PIAS2: variants seen among roughly 807,000 people sequenced by gnomAD.
PIAS2 encodes E3 SUMO-protein ligase PIAS2.
PIAS2 carries 19 observed loss-of-function variants against 69.7 expected under a neutral mutation model. That is an observed-to-expected ratio of 0.27 (90% CI 0.19 to 0.40). The LOEUF is 0.40. Among genes scored for constraint, PIAS2 ranks in the 10% least tolerant of loss-of-function variants. PIAS2 has a pLI of 1.00. For missense variants in PIAS2, 624 were observed against 757.0 expected, an observed-to-expected ratio of 0.82 and a Z score of 2.06; for synonymous variants, 261 against 263.2, an observed-to-expected ratio of 0.99 and a Z score of 0.08.
chr18:46,821,340 C>T (rs1483786387), intron 11 of PIAS2, among the ~76,000 whole-genome samples: 2 of 152,118 alleles, frequency 1.3e-5, no homozygotes, highest in African/African-American at 4.8e-5. Flanking sequence ...TGAGATATAA[C>T]ACTTCCATCC....
At chr18:46,851,101 T>G (rs193161875) in intron 5 of PIAS2, among the ~76,000 whole-genome samples, 1 of 152,224 alleles carries the variant, frequency 6.6e-6, no homozygotes, top group Non-Finnish European at 1.5e-5. Context: ...AGAAGAAATG[T>G]TGAGTTTATG....
In PIAS2 at chr18:46,855,347, G is replaced by T; in HGVS notation, c.724C>A (p.Pro242Thr). The change falls in exon 5 of 14, where the codon CCT becomes ACT. Residue 242 changes from proline to threonine, a missense_variant and splice_region_variant. Around this residue, in one of 3 missense-constraint regions of PIAS2, gnomAD observed 339 missense variants for 408.8 expected, o/e 0.83. Coordinates refer to ENST00000585916, the MANE Select transcript of PIAS2 (RefSeq NM_004671.5). Reference sequence around the variant, plus strand: ...CTGGTGAATAAAAAGCAACTTACAGGCAAAGGAAATAGCTTCCCATTTACT... The same window carrying T: ...CTGGTGAATAAAAAGCAACTTACAGTCAAAGGAAATAGCTTCCCATTTACT... ...IKVNGKLFPL[P>T]GYAPPPKNGI... 6.3e-7 allele frequency: 1 copy of T among 1,594,178 alleles called. No homozygotes were observed. Among genetic ancestry groups the T allele is most frequent in the Non-Finnish European group, 8.6e-7 (1 of 1,168,148 alleles).
chr18:46,906,773 T>TGGG (rs59066322), intron 1 of PIAS2, among the ~76,000 whole-genome samples: 17 of 80,856 alleles, frequency 2.1e-4, no homozygotes, highest in South Asian at 4.8e-4. Context: ...TGTGTGTGTG[T>TGGG]GGGGGGGGGG....
intron 1 of PIAS2, chr18:46,914,916 T>C (rs1400501821): frequency 1.3e-5 from 2 of 152,204 alleles, no homozygotes; most frequent in Non-Finnish European, 2.9e-5. Context: ...ACCATCATTT[T>C]GAGAATCCAA....
At chr18:46,865,322 T>C (rs2049270062) in intron 2 of PIAS2, among the ~76,000 whole-genome samples, 1 of 152,040 alleles carries the variant, frequency 6.6e-6, no homozygotes, top group African/African-American at 2.4e-5. Flanking sequence ...GGTGGATTAC[T>C]TGAGGTCAAG....
chr18:46,903,131 T>C (rs1189224801), intron 1 of PIAS2, among the ~76,000 whole-genome samples: 1 of 152,134 alleles, frequency 6.6e-6, no homozygotes, highest in Non-Finnish European at 1.5e-5. Flanking sequence ...AGGAAAATAT[T>C]TGGGATCTAA....
At chr18:46,909,914 C>CCCA (rs1328156545) in intron 1 of PIAS2, among the ~76,000 whole-genome samples, 2 of 152,142 alleles carry the variant, frequency 1.3e-5, no homozygotes, top group Non-Finnish European at 2.9e-5. Flanking sequence ...CACCTGTGAT[C>CCCA]CCAGCACTTT....
At chr18:46,879,899 A>G (rs1455024575) in intron 2 of PIAS2, among the ~76,000 whole-genome samples, 1 of 152,170 alleles carries the variant, frequency 6.6e-6, no homozygotes, top group Non-Finnish European at 1.5e-5. Context: ...AATCTTAGAA[A>G]GCAAGATGGT....
At chr18:46,895,185 A>G (rs2054653428) in intron 1 of PIAS2, among the ~76,000 whole-genome samples, 2 of 152,140 alleles carry the variant, frequency 1.3e-5, no homozygotes, top group Admixed American at 1.3e-4. Context: ...AAAACATGAG[A>G]CAGAAGCTGC....
At chr18:46,877,211 C>T (rs531259353) in intron 2 of PIAS2, among the ~76,000 whole-genome samples, 1 of 152,148 alleles carries the variant, frequency 6.6e-6, no homozygotes, top group Non-Finnish European at 1.5e-5. Context: ...TAAGCTCCTA[C>T]TTTTAGAAAA....
At position 46,848,074 on chromosome 18, in the gene PIAS2, A is replaced by G. The variant is rs915511859; in HGVS notation, c.727-1233T>C. Among the ~76,000 whole-genome samples the G allele has an allele frequency of 2.0e-5, 3 of 152,198 alleles. No homozygotes were observed. In the East Asian group the frequency reaches 5.8e-4, roughly 29 times the overall value. ...AATTAACATATTCCCTTTTGTACAG[A>G]AGAAACTTCTGAATCACTTTTCACT... On this transcript the variant is annotated intron_variant, in intron 5 of 13. Transcript: ENST00000585916.
chr18:46,916,774 C>A, intron 1 of PIAS2: 2 of 967,080 alleles, frequency 2.1e-6, no homozygotes, highest in Non-Finnish European at 2.5e-6. Context: ...ACATTAGGTT[C>A]CTCGAAGATG....
At chr18:46,822,239 G>C (rs1212452842) in intron 11 of PIAS2, among the ~76,000 whole-genome samples, 2 of 152,140 alleles carry the variant, frequency 1.3e-5, no homozygotes, top group East Asian at 1.9e-4. Context: ...GTGGAAAACA[G>C]TCATCTTGAG....
intron 2 of PIAS2, among the ~76,000 whole-genome samples, chr18:46,869,234 G>T (rs1372812284): frequency 2.0e-5 from 3 of 152,194 alleles, no homozygotes; most frequent in Admixed American, 1.3e-4. Context: ...AAAGCAAAAG[G>T]AGAGTAAAAA....
chr18:46,867,182 A>G (rs1439089916), intron 2 of PIAS2, among the ~76,000 whole-genome samples: 1 of 152,016 alleles, frequency 6.6e-6, no homozygotes. Context: ...TTTTTCTGAC[A>G]TATCTTTGAC....
rs974631091 is a variant in PIAS2, at chr18:46,810,584, C to T, written c.*1849G>A. On this transcript the variant is annotated 3_prime_UTR_variant, in exon 14 of 14. Coordinates refer to ENST00000585916, the MANE Select transcript of PIAS2 (RefSeq NM_004671.5). ...ACTGCTCGTAGATTTGGGTTTGTTT[C>T]CCCCCCAACATCTTTAAAATAAGCA... The T allele has an allele frequency of 6.6e-6, 1 of 151,784 alleles. No homozygotes were observed. The highest frequency in any genetic ancestry group is 1.5e-5 in the Non-Finnish European group (1 of 67,964). The allele number at this position is 151,784 out of a possible 1,614,324, so 9.4% of individuals were successfully genotyped here. A position where few individuals can be genotyped will look rare whatever the true frequency, so the allele number is the denominator to read the frequency against.
intron 10 of PIAS2, among the ~76,000 whole-genome samples, chr18:46,828,662 A>AT (rs1361254973): frequency 6.6e-6 from 1 of 152,188 alleles, no homozygotes; most frequent in African/African-American, 2.4e-5. Context: ...TTTCATCTTG[A>AT]TAAGTTGAAA....
intron 12 of PIAS2, chr18:46,816,671 T>A: frequency 9.6e-6 from 3 of 310,950 alleles, no homozygotes; most frequent in Non-Finnish European, 1.4e-5. Flanking sequence ...TCTCGCTATG[T>A]TGCCTAGGTT....
intron 1 of PIAS2, among the ~76,000 whole-genome samples, chr18:46,908,237 A>C: frequency 6.6e-6 from 1 of 152,184 alleles, no homozygotes; most frequent in Admixed American, 6.5e-5. Flanking sequence ...GGCCTCCCAA[A>C]GTGATGGGAT....
Sources: gnomAD v4.1 joint callset for allele counts (sites outside exome capture counted in the v4.1 genomes callset) on GRCh38, gnomAD v4.1.1 for gene constraint, gnomAD v4.1.1 regional missense constraint, MANE v1.5 for transcripts, NCBI Gene and HGNC (gene_info 2026-07-23, HGNC 2026-07-21) for gene names.